PCDH12: variants seen among roughly 807,000 people sequenced by gnomAD.
PCDH12 encodes the protein protocadherin-12.
Under a neutral mutation model 70.9 loss-of-function variants are expected in PCDH12, and 45 were observed. That is an observed-to-expected ratio of 0.63 (90% CI 0.50 to 0.81). The LOEUF is 0.81. Among genes scored for constraint, PCDH12 ranks in the 40% least tolerant of loss-of-function variants. The pLI is 0.00. For missense variants in PCDH12, 1,370 were observed against 1,491.7 expected (o/e 0.92, Z 1.34); for synonymous variants, 567 against 626.0 (o/e 0.91, Z 1.41).
intron 3 of PCDH12, among the ~76,000 whole-genome samples, chr5:141,947,319 C>A (rs531954464): frequency 6.6e-6 from 1 of 152,332 alleles, no homozygotes; most frequent in East Asian, 1.9e-4. Flanking sequence ...GAAATGCAAA[C>A]CTTAGTTCCT....
chr5:141,955,167 G>T lies in PCDH12; in HGVS notation c.2685C>A (p.Gly895=). ...SPTGRLAGDQ[G]SEEAPQRPPA... is the part of the protein sequence containing the mutation. Reference sequence around the variant, plus strand: ...GTGGCCTCTGTGGGGCTTCCTCACTGCCCTGGTCTCCAGCCAGCCTCCCTG... The same window carrying T: ...GTGGCCTCTGTGGGGCTTCCTCACTTCCCTGGTCTCCAGCCAGCCTCCCTG... Residue 895 remains glycine (G), a synonymous_variant, in exon 1 of 4, where the codon GGC becomes GGA. Transcript: ENST00000231484. This position sits in a 1 kb window ranked among gnomAD's most constrained non-coding sequence, Gnocchi z 5.5. 6.2e-7 allele frequency: 1 copy of T among 1,614,220 alleles called. No homozygotes were observed. Among genetic ancestry groups the T allele is most frequent in the Non-Finnish European group, 8.5e-7 (1 of 1,180,044 alleles).
chr5:141,955,488 A>G lies in PCDH12; in HGVS notation c.2364T>C (p.Pro788=). ...CTTTGTGGGACTGCCCGACTTCACA[A>G]GGCTCACCTGCCTGACCCCTGAGCA... ...VPVLRGQAGE[P]CEVGQSHKDV... The change falls in exon 1 of 4, where the codon CCT becomes CCC. Residue 788 remains proline (P), a synonymous_variant. Transcript: ENST00000231484. This position sits in a 1 kb window ranked among gnomAD's most constrained non-coding sequence, Gnocchi z 5.5. 6.2e-7 allele frequency: 1 copy of G among 1,614,092 alleles called. No homozygotes were observed. Among genetic ancestry groups the G allele is most frequent in the Non-Finnish European group, 8.5e-7 (1 of 1,179,988 alleles).
At position 141,945,323 on chromosome 5, in the gene PCDH12, T is replaced by C; in HGVS notation, c.*58A>G. On this transcript the variant is annotated 3_prime_UTR_variant, in exon 4 of 4. Coordinates refer to ENST00000231484, the MANE Select transcript of PCDH12 (RefSeq NM_016580.4). ...GAGTTACAAGATTTTAGAAACCAGC[T>C]CTTGTCCACAGATCCTCAGGCCCCT... The C allele has an allele frequency of 6.5e-7, 1 of 1,533,050 alleles. No individual in the cohort carries two copies. Among genetic ancestry groups the C allele is most frequent in the Non-Finnish European group, 8.8e-7 (1 of 1,142,220 alleles). 95.0% of individuals were successfully genotyped at this position (1,533,050 alleles called of 1,614,324 possible).
intron 3 of PCDH12, 63 bp from the exon 4 acceptor site, chr5:141,945,868 TG>T: frequency 6.7e-7 from 1 of 1,489,926 alleles, no homozygotes; most frequent in Non-Finnish European, 9.2e-7. Flanking sequence ...CGGGTGAGGG[TG>T]GGGCAATGAG....
intron 3 of PCDH12, among the ~76,000 whole-genome samples, chr5:141,947,826 C>T (rs1184067763): frequency 2.6e-5 from 4 of 152,176 alleles, no homozygotes; most frequent in Admixed American, 1.3e-4. Flanking sequence ...GCAGCAAAGG[C>T]TTTTCTGCCC....
intron 3 of PCDH12, among the ~76,000 whole-genome samples, chr5:141,948,200 C>G (rs1399734447): frequency 6.6e-6 from 1 of 152,146 alleles, no homozygotes; most frequent in Non-Finnish European, 1.5e-5. Flanking sequence ...CACCCCTGAC[C>G]CTCACATTTT....
chr5:141,954,618 C>T (rs1753143954), intron 1 of PCDH12, among the ~76,000 whole-genome samples: 1 of 152,204 alleles, frequency 6.6e-6, no homozygotes. Context: ...AAAGCTTATA[C>T]TCTTAATCAC....
chr5:141,957,154 T>C lies in PCDH12; in HGVS notation c.698A>G (p.Asn233Ser). 1 of 1,614,174 alleles carries C rather than the reference T, an allele frequency of 6.2e-7. No homozygotes were observed. The highest frequency in any genetic ancestry group is 1.1e-5 in the South Asian group (1 of 91,074). ...GCTATTGTCATTGGAGTCCAAGACG[T>C]TGACCTTGACCAAGCTGGTACCTGA... ...PKSGTSLVKV[N>S]VLDSNDNSPA... Residue 233 changes from asparagine (N) to serine (S), a missense_variant, in exon 1 of 4, where the codon AAC becomes AGC. Transcript: ENST00000231484. The surrounding 1 kb of genome is among the most constrained non-coding windows in gnomAD (Gnocchi z 4.3).
In PCDH12 at chr5:141,949,529, G is replaced by T. The variant is rs2126919535; in HGVS notation, c.3033C>A (p.Asp1011Glu). 1 of 1,614,178 alleles carries T rather than the reference G, an allele frequency of 6.2e-7. No individual in the cohort carries two copies. The highest frequency in any genetic ancestry group is 1.3e-5 in the African/African-American group (1 of 75,044). Reference sequence around the variant, plus strand: ...CCAAAGGCCCTTCCTCCTGTTCTGGGTCTGTCTGGCCTCCAGCCCTTGCAC... The same window carrying T: ...CCAAAGGCCCTTCCTCCTGTTCTGGTTCTGTCTGGCCTCCAGCCCTTGCAC... ...GPSARAGGQT[D>E]PEQEEGPLDP... The change falls in exon 3 of 4, where the codon GAC (aspartate) becomes GAA (glutamate). Residue 1011 changes from aspartate to glutamate, a missense_variant. Transcript: ENST00000231484.
chr5:141,953,148 A>G (rs933977363), intron 1 of PCDH12: 5 of 152,244 alleles, frequency 3.3e-5, no homozygotes, highest in Admixed American at 2.6e-4. Flanking sequence ...ATTCAGGGTC[A>G]CTTCACAGTT....
In PCDH12 at chr5:141,945,700, G is replaced by A; in HGVS notation, c.3236C>T (p.Ala1079Val). The change falls in exon 4 of 4, where the codon GCA becomes GTA. Residue 1079 changes from alanine to valine, a missense_variant. By Grantham distance (64) the Ala-to-Val change is moderately conservative (BLOSUM62 0). Transcript: ENST00000231484. Reference sequence around the variant, plus strand: ...GAAGGTCCTTGGCTCCTCCGTGGCTGCAGCATCCGGGGAGATCACATTGTC... The same window carrying A: ...GAAGGTCCTTGGCTCCTCCGTGGCTACAGCATCCGGGGAGATCACATTGTC... ...YRDNVISPDA[A>V]ATEEPRTFQT... is the part of the protein sequence containing the mutation. The A allele has an allele frequency of 6.2e-7, 1 of 1,614,194 alleles. No individual in the cohort carries two copies. The highest frequency in any genetic ancestry group is 1.1e-5 in the South Asian group (1 of 91,092).
At chr5:141,950,847 C>G (rs1258919900) in intron 2 of PCDH12, among the ~76,000 whole-genome samples, 1 of 152,156 alleles carries the variant, frequency 6.6e-6, no homozygotes, top group African/African-American at 2.4e-5. Context: ...GTGTCAGTTG[C>G]TGGGCTATGG....
rs1753201744 is a variant in PCDH12, at chr5:141,957,322, C to T, written c.530G>A (p.Ser177Asn). 4 of 1,613,246 alleles carry T rather than the reference C, an allele frequency of 2.5e-6. No individual in the cohort carries two copies. The highest frequency in any genetic ancestry group is 3.4e-6 in the Non-Finnish European group (4 of 1,179,562). The part of the protein sequence containing the change: ...NTLHTYTLSP[S>N]EHFALDVIVG... ...AATGACATCCAAGGCAAAGTGCTCA[C>T]TGGGAGACAGAGTGTAGGTGTGCAG... Residue 177 changes from serine to asparagine, a missense_variant, in exon 1 of 4, where the codon AGT becomes AAT. Coordinates refer to ENST00000231484, the MANE Select transcript of PCDH12 (RefSeq NM_016580.4). The surrounding 1 kb of genome is among the most constrained non-coding windows in gnomAD (Gnocchi z 4.3).
At position 141,945,305 on chromosome 5, in the gene PCDH12, A is replaced by G; in HGVS notation, c.*76T>C. 1.3e-6 allele frequency: 2 copies of G among 1,511,730 alleles called. No individual in the cohort carries two copies. The highest frequency in any genetic ancestry group is 4.3e-5 in the Admixed American group (2 of 46,458). 93.6% of individuals were successfully genotyped at this position (1,511,730 alleles called of 1,614,324 possible). Reference sequence around the variant, plus strand: ...AGGCCGCCGCTAGCTAGTGAGTTACAAGATTTTAGAAACCAGCTCTTGTCC... The same window carrying G: ...AGGCCGCCGCTAGCTAGTGAGTTACGAGATTTTAGAAACCAGCTCTTGTCC... On this transcript the variant is annotated 3_prime_UTR_variant, in exon 4 of 4. Transcript: ENST00000231484.
rs1002030722 is a variant in PCDH12, at chr5:141,945,209, G to A, written c.*172C>T. 2 of 763,664 alleles carry A rather than the reference G, an allele frequency of 2.6e-6. No individual in the cohort carries two copies. Among genetic ancestry groups the A allele is most frequent in the Non-Finnish European group, 4.3e-6 (2 of 463,336 alleles). 47.3% of individuals were successfully genotyped at this position (763,664 alleles called of 1,614,324 possible). A position where few individuals can be genotyped will look rare whatever the true frequency, so the allele number is the denominator to read the frequency against. On this transcript the variant is annotated 3_prime_UTR_variant, in exon 4 of 4. Coordinates refer to ENST00000231484, the MANE Select transcript of PCDH12 (RefSeq NM_016580.4). ...AGAGCTGCTTACAAGGGGCTGCTTT[G>A]GTCAGTCAGCTGTTAGTCCTGGGGC...
In PCDH12 at chr5:141,956,995, T is replaced by C. The variant is rs761305315; in HGVS notation, c.857A>G (p.His286Arg). The C allele has an allele frequency of 3.1e-6, 5 of 1,614,090 alleles. No homozygotes were observed. The highest frequency in any genetic ancestry group is 2.5e-6 in the Non-Finnish European group (3 of 1,180,054). ...NGEVEFFLSKHMPPEVLDTFS... is the reference protein window; with the variant it reads ...NGEVEFFLSKRMPPEVLDTFS... ...GGTGTCCAGCACCTCTGGAGGCATG[T>C]GCTTACTGAGGAAGAACTCCACCTC... The change falls in exon 1 of 4, where the codon CAC (histidine) becomes CGC (arginine). Residue 286 changes from histidine (H) to arginine (R), a missense_variant. Physicochemically the swap from His to Arg is conservative, Grantham distance 29. Coordinates refer to ENST00000231484, the MANE Select transcript of PCDH12 (RefSeq NM_016580.4).
rs1370038507 is a variant in PCDH12, at chr5:141,955,669, A to G, written c.2183T>C (p.Ile728Thr). The G allele has an allele frequency of 6.2e-7, 1 of 1,614,158 alleles. No individual in the cohort carries two copies. Residue 728 changes from isoleucine (I) to threonine (T), a missense_variant, in exon 1 of 4, where the codon ATC becomes ACC. Physicochemically the swap from Ile to Thr is moderately conservative, Grantham distance 89. Coordinates refer to ENST00000231484, the MANE Select transcript of PCDH12 (RefSeq NM_016580.4). This position sits in a 1 kb window ranked among gnomAD's most constrained non-coding sequence, Gnocchi z 5.5. ...GAACAAAGCCAGGATCAACCCGAAG[A>G]TGCCCAACAGTACAGCCAGGCAGAT... ...TVICLAVLLG[I>T]FGLILALFMS...
In PCDH12 at chr5:141,957,915, C is replaced by T; in HGVS notation, c.-64G>A. ...GTTCTTTCAAGGCTGGACAAGTCCT[C>T]CAGTGTTTCCTGGATGGCTTGATCA... On this transcript the variant is annotated 5_prime_UTR_variant, in exon 1 of 4. It introduces an in-frame stop codon into an upstream open reading frame of the 5' UTR. Transcript: ENST00000231484. This position sits in a 1 kb window ranked among gnomAD's most constrained non-coding sequence, Gnocchi z 4.3. 1 of 1,540,352 alleles carries T rather than the reference C, an allele frequency of 6.5e-7. No homozygotes were observed. Among genetic ancestry groups the T allele is most frequent in the Non-Finnish European group, 8.7e-7 (1 of 1,148,258 alleles).
At position 141,955,614 on chromosome 5, in the gene PCDH12, G is replaced by T. The variant is rs374855332; in HGVS notation, c.2238C>A (p.Asp746Glu). The change falls in exon 1 of 4, where the codon GAC becomes GAA. Residue 746 changes from aspartate to glutamate, a missense_variant. Physicochemically the swap from Asp to Glu is conservative, Grantham distance 45. Transcript: ENST00000231484. The surrounding 1 kb of genome is among the most constrained non-coding windows in gnomAD (Gnocchi z 5.5). ...FMSICRTEKK[D>E]NRAYNCREAE... ...CCTCCCGACAGTTGTAGGCCCTGTT[G>T]TCCTTCTTTTCTGTCCGGCAGATGG... 17 of 1,614,112 alleles carry T rather than the reference G, an allele frequency of 1.1e-5. No homozygotes were observed. The African/African-American group carries it at 1.9e-4, about 18-fold the overall frequency.
Sources: allele counts gnomAD v4.1 joint callset (sites outside exome capture counted in the v4.1 genomes callset), GRCh38; gene constraint gnomAD v4.1.1; non-coding constraint Gnocchi (gnomAD v3.1); transcripts MANE v1.5; gene names NCBI Gene and HGNC (gene_info 2026-07-23, HGNC 2026-07-21).